The following GALNT18 variants were observed in gnomAD, a reference collection of about 807,000 sequenced individuals.
GALNT18 encodes the protein polypeptide N-acetylgalactosaminyltransferase 18.
Under a neutral mutation model 69.5 loss-of-function variants are expected in GALNT18, and 44 were observed. The observed-to-expected ratio is 0.63, with a 90% CI of 0.50 to 0.81. The LOEUF (loss-of-function observed/expected upper bound fraction) is 0.81, where lower values mean the gene tolerates loss of function less well. GALNT18 is among the 40% of genes least tolerant of loss of function. The pLI is 0.00. For missense variants in GALNT18, 715 were observed against 810.0 expected, an observed-to-expected ratio of 0.88 and a Z score of 1.42; for synonymous variants, 364 against 318.2, an observed-to-expected ratio of 1.14 and a Z score of -1.53.
intron 6 of GALNT18, among the ~76,000 whole-genome samples, chr11:11,349,023 A>AT (rs11458356): frequency 0.092 from 14,019 of 151,978 alleles, 2,160 homozygotes; most frequent in African/African-American, 0.32. Context: ...ATTATCCTGA[A>AT]TTTTTTTAAT....
intron 1 of GALNT18, among the ~76,000 whole-genome samples, chr11:11,566,694 G>C (rs906651364): frequency 4.6e-5 from 7 of 152,158 alleles, no homozygotes; most frequent in African/African-American, 1.7e-4. Context: ...GATGTTCCTT[G>C]CATTATTCTT....
rs554975988 is a variant in GALNT18, at chr11:11,549,167, C to G, written c.235+72192G>C. On this transcript the variant is annotated intron_variant, in intron 1 of 10. Transcript: ENST00000227756. The stretch of plus-strand genomic sequence containing the variant: ...TAGAATGCACACATAATGACTGGAG[C>G]TGCAGCAGCCGTTTCAGACCACAAA... Among the ~76,000 whole-genome samples the G allele has an allele frequency of 8.5e-5, 13 of 152,324 alleles. No homozygotes were observed. The East Asian group carries it at 2.5e-3, about 29-fold the overall frequency.
intron 9 of GALNT18, among the ~76,000 whole-genome samples, chr11:11,316,463 C>T (rs965231186): frequency 1.3e-5 from 2 of 152,152 alleles, no homozygotes; most frequent in African/African-American, 4.8e-5. Context: ...GGGCCAATAC[C>T]ACACAGGGGA....
At chr11:11,589,588 T>G (rs1467872374) in intron 1 of GALNT18, among the ~76,000 whole-genome samples, 13 of 67,430 alleles carry the variant, frequency 1.9e-4, no homozygotes, top group African/African-American at 7.4e-4. Flanking sequence ...TTTTAGGGGT[T>G]TTTTTTTTTA....
chr11:11,500,507 G>A lies in GALNT18; in HGVS notation c.236-51571C>T, dbSNP rs943895374. Among the ~76,000 whole-genome samples the A allele has an allele frequency of 2.6e-5, 4 of 152,170 alleles. No individual in the cohort carries two copies. The highest frequency in any genetic ancestry group is 9.7e-5 in the African/African-American group (4 of 41,430). ...TGGAGATGTTTTTGGTTGTCACATC[G>A]TGGTGGGTGGATGGAGATGCGCCAT... On this transcript the variant is annotated intron_variant, in intron 1 of 10. Coordinates refer to ENST00000227756, the MANE Select transcript of GALNT18 (RefSeq NM_198516.3). This position sits in a 1 kb window ranked among gnomAD's most constrained non-coding sequence, Gnocchi z 5.0.
intron 9 of GALNT18, among the ~76,000 whole-genome samples, chr11:11,303,892 G>A (rs1849536628): frequency 6.6e-6 from 1 of 152,330 alleles, no homozygotes; most frequent in Admixed American, 6.5e-5. Flanking sequence ...TTGACCCTCA[G>A]GAAGTACCTG....
rs1337362115 is a variant in GALNT18 at position 11,605,262 on chromosome 11, G to T, written c.235+16097C>A. On this transcript the variant is annotated intron_variant, in intron 1 of 10. Coordinates refer to ENST00000227756, the MANE Select transcript of GALNT18 (RefSeq NM_198516.3). This position sits in a 1 kb window ranked among gnomAD's most constrained non-coding sequence, Gnocchi z 4.7. ...CCCCAGGTGGCCAGCAGATAACTTGGAGTTCCAGGCTGCCCACCTTGACAC... is the reference window on the plus strand; with the variant it reads ...CCCCAGGTGGCCAGCAGATAACTTGTAGTTCCAGGCTGCCCACCTTGACAC... Among the ~76,000 whole-genome samples, 1 of 152,150 alleles carries T rather than the reference G, an allele frequency of 6.6e-6. No individual in the cohort carries two copies. Among genetic ancestry groups the T allele is most frequent in the African/African-American group, 2.4e-5 (1 of 41,440 alleles).
Position 11,480,120 on chromosome 11 carries a change from C to T in GALNT18, c.236-31184G>A, listed in dbSNP as rs1856492327. 6.6e-6 allele frequency among the ~76,000 whole-genome samples: 1 copy of T among 152,066 alleles called. No homozygotes were observed. On this transcript the variant is annotated intron_variant, in intron 1 of 10. Transcript: ENST00000227756. This position sits in a 1 kb window ranked among gnomAD's most constrained non-coding sequence, Gnocchi z 4.6. ...TATTTGTCACCTTCCCTACCTTGAGCTTCAACTTCCTTTTATTCAATAACC... is the reference window on the plus strand; with the variant it reads ...TATTTGTCACCTTCCCTACCTTGAGTTTCAACTTCCTTTTATTCAATAACC...
intron 1 of GALNT18, among the ~76,000 whole-genome samples, chr11:11,520,747 C>T (rs1051364480): frequency 2.6e-5 from 4 of 152,312 alleles, no homozygotes; most frequent in Admixed American, 1.3e-4. Context: ...GCCTGCACAG[C>T]TGTCACAGGC....
At chr11:11,531,742 G>GT (rs557171360) in intron 1 of GALNT18, among the ~76,000 whole-genome samples, 10 of 152,208 alleles carry the variant, frequency 6.6e-5, no homozygotes, top group Non-Finnish European at 1.5e-5. Flanking sequence ...AGCCCTAGGT[G>GT]TAACAAGAGC....
chr11:11,606,333 T>C lies in GALNT18; in HGVS notation c.235+15026A>G, dbSNP rs1295658131. 6.6e-6 allele frequency among the ~76,000 whole-genome samples: 1 copy of C among 152,220 alleles called. No homozygotes were observed. The highest frequency in any genetic ancestry group is 1.5e-5 in the Non-Finnish European group (1 of 68,038). On this transcript the variant is annotated intron_variant, in intron 1 of 10. Transcript: ENST00000227756. This position sits in a 1 kb window ranked among gnomAD's most constrained non-coding sequence, Gnocchi z 5.4. Reference sequence around the variant, plus strand: ...CAGTCTAATGAGAAAAGCAGACTAATAATTACAGGACAGTATGATTTTCTC... The same window carrying C: ...CAGTCTAATGAGAAAAGCAGACTAACAATTACAGGACAGTATGATTTTCTC...
intron 6 of GALNT18, among the ~76,000 whole-genome samples, chr11:11,355,639 A>C (rs2133073164): frequency 6.6e-6 from 1 of 152,168 alleles, no homozygotes; most frequent in East Asian, 1.9e-4. Context: ...ATCCCAAATA[A>C]GTATCTGTCT....
intron 7 of GALNT18, among the ~76,000 whole-genome samples, chr11:11,336,055 C>T (rs986172130): frequency 6.6e-6 from 1 of 152,158 alleles, no homozygotes. Flanking sequence ...CACATAGTCA[C>T]AAAATTCCTT....
Position 11,582,912 on chromosome 11 carries a change from A to AC in GALNT18, c.235+38446dup, listed in dbSNP as rs1308783511. Among the ~76,000 whole-genome samples the AC allele has an allele frequency of 2.6e-5, 4 of 152,164 alleles. No homozygotes were observed. The highest frequency in any genetic ancestry group is 9.6e-5 in the African/African-American group (4 of 41,492). On this transcript the variant is annotated intron_variant, in intron 1 of 10. Transcript: ENST00000227756. The surrounding 1 kb of genome is among the most constrained non-coding windows in gnomAD (Gnocchi z 5.0). ...ACAGAGCACAGCCACTGCCACACAC[A>AC]CCCCACAGAAGTGGTTGTCATGGTC...
chr11:11,387,140 C>T lies in GALNT18; in HGVS notation c.596-7876G>A, dbSNP rs775060737. Among the ~76,000 whole-genome samples, 6 of 152,216 alleles carry T rather than the reference C, an allele frequency of 3.9e-5. No homozygotes were observed. The highest frequency in any genetic ancestry group is 5.9e-5 in the Non-Finnish European group (4 of 68,040). ...AAATGCAGTCTGAAAACGGCTGCCTCACACCTGCCCAGGTAATTTTTCTCT... is the reference window on the plus strand; with the variant it reads ...AAATGCAGTCTGAAAACGGCTGCCTTACACCTGCCCAGGTAATTTTTCTCT... On this transcript the variant is annotated intron_variant, in intron 3 of 10. Transcript: ENST00000227756. This position sits in a 1 kb window ranked among gnomAD's most constrained non-coding sequence, Gnocchi z 4.6.
chr11:11,348,381 G>GAA (rs71988944), intron 6 of GALNT18, among the ~76,000 whole-genome samples: 27 of 77,024 alleles, frequency 3.5e-4, no homozygotes, highest in African/African-American at 8.5e-4. Context: ...TTCGTCTCAG[G>GAA]AAAAAAAAAA....
Position 11,546,706 on chromosome 11 carries a change from A to G in GALNT18, c.235+74653T>C, listed in dbSNP as rs1175886172. Among the ~76,000 whole-genome samples the G allele has an allele frequency of 1.3e-5, 2 of 152,166 alleles. No homozygotes were observed. Among genetic ancestry groups the G allele is most frequent in the Admixed American group, 6.5e-5 (1 of 15,290 alleles). ...ACCTATTCCTCAAACAGGCCTTGGTATCTACTGCAGTAGATACCCCGAATG... is the reference window on the plus strand; with the variant it reads ...ACCTATTCCTCAAACAGGCCTTGGTGTCTACTGCAGTAGATACCCCGAATG... On this transcript the variant is annotated intron_variant, in intron 1 of 10. Coordinates refer to ENST00000227756, the MANE Select transcript of GALNT18 (RefSeq NM_198516.3). The surrounding 1 kb of genome is among the most constrained non-coding windows in gnomAD (Gnocchi z 5.8).
chr11:11,592,969 G>A lies in GALNT18; in HGVS notation c.235+28390C>T, dbSNP rs1278715248. Reference sequence around the variant, plus strand: ...TTGTCTCTGTCTCCCAGGCTGGAGTGCAGTGGCGCAATCTCAGCTCACTGC... The same window carrying A: ...TTGTCTCTGTCTCCCAGGCTGGAGTACAGTGGCGCAATCTCAGCTCACTGC... On this transcript the variant is annotated intron_variant, in intron 1 of 10. Transcript: ENST00000227756. The surrounding 1 kb of genome is among the most constrained non-coding windows in gnomAD (Gnocchi z 5.9). Among the ~76,000 whole-genome samples, 1 of 152,128 alleles carries A rather than the reference G, an allele frequency of 6.6e-6. No homozygotes were observed. The highest frequency in any genetic ancestry group is 1.5e-5 in the Non-Finnish European group (1 of 68,034).
chr11:11,508,503 T>C (rs1263235437), intron 1 of GALNT18, among the ~76,000 whole-genome samples: 1 of 152,250 alleles, frequency 6.6e-6, no homozygotes, highest in Non-Finnish European at 1.5e-5. Flanking sequence ...ATCGTAAAAG[T>C]ACTTCATTCG....
Sources: gnomAD v4.1 joint callset for allele counts (sites outside exome capture counted in the v4.1 genomes callset) on GRCh38, gnomAD v4.1.1 for gene constraint, Gnocchi (gnomAD v3.1) non-coding constraint, MANE v1.5 for transcripts, NCBI Gene and HGNC (gene_info 2026-07-23, HGNC 2026-07-21) for gene names.